The following SPIDR variants were observed in gnomAD, a reference collection of about 807,000 sequenced individuals.
The protein encoded by SPIDR is scaffold protein involved in DNA repair.
Under a neutral mutation model 104.6 loss-of-function variants are expected in SPIDR, and 93 were observed. The ratio of observed to expected loss-of-function variants is 0.89; its 90% CI spans 0.75 to 1.06. The LOEUF is 1.06. SPIDR is among the 50% of genes least tolerant of loss of function. The pLI, the probability that SPIDR is intolerant of heterozygous loss-of-function variation, is 0.00. For synonymous variants in SPIDR, 431 were observed against 416.9 expected (o/e 1.03, Z -0.41); for missense variants, 1,154 against 1,111.2 (o/e 1.04, Z -0.55).
intron 6 of SPIDR, among the ~76,000 whole-genome samples, chr8:47,405,098 G>C (rs943030587): frequency 6.6e-6 from 1 of 152,006 alleles, no homozygotes; most frequent in Non-Finnish European, 1.5e-5. Context: ...GGAAACTGTC[G>C]CAGGGAAGGA....
At chr8:47,375,386 C>T (rs1409829653) in intron 5 of SPIDR, among the ~76,000 whole-genome samples, 7 of 151,402 alleles carry the variant, frequency 4.6e-5, no homozygotes, top group African/African-American at 9.7e-5. Context: ...GAATTACAGG[C>T]GCACACCACC....
At chr8:47,506,200 G>T (rs1183014053) in intron 8 of SPIDR, among the ~76,000 whole-genome samples, 1 of 152,196 alleles carries the variant, frequency 6.6e-6, no homozygotes, top group African/African-American at 2.4e-5. Context: ...AGTAACACAG[G>T]GAGGAGGGCA....
chr8:47,367,997 T>A (rs1270705657), intron 5 of SPIDR, among the ~76,000 whole-genome samples: 1 of 152,082 alleles, frequency 6.6e-6, no homozygotes, highest in Non-Finnish European at 1.5e-5. Flanking sequence ...GTATAAACAA[T>A]GGAAATGCAT....
chr8:47,574,016 A>C (rs140225820), intron 8 of SPIDR, among the ~76,000 whole-genome samples: 51 of 152,368 alleles, frequency 3.3e-4, no homozygotes, highest in Non-Finnish European at 1.3e-4. Flanking sequence ...ATTGTCTTTT[A>C]ACCAGCCTTG....
chr8:47,642,029 G>C (rs1489063417), intron 10 of SPIDR, among the ~76,000 whole-genome samples: 1 of 152,186 alleles, frequency 6.6e-6, no homozygotes, highest in Non-Finnish European at 1.5e-5. Context: ...GCGCACGTGT[G>C]GGAGCAGCCC....
intron 5 of SPIDR, among the ~76,000 whole-genome samples, chr8:47,355,316 T>A (rs1554625064): frequency 2.4e-5 from 3 of 125,366 alleles, no homozygotes; most frequent in Non-Finnish European, 5.2e-5. Flanking sequence ...TCTGTTGGAA[T>A]GTGTGATTTT....
chr8:47,685,501 A>ATTTTTTTTTTTTT lies in SPIDR; in HGVS notation c.1685+11563_1685+11564insTTTTTTTTTTTTT, dbSNP rs1326028640. On this transcript the variant is annotated intron_variant, in intron 11 of 19. Coordinates refer to ENST00000297423, the MANE Select transcript of SPIDR (RefSeq NM_001080394.4). ...GTTTTATTTATTTATTTATTTATTTATTTATTTATTTATTTATTTTTTTGA... is the reference window on the plus strand; with the variant it reads ...GTTTTATTTATTTATTTATTTATTTATTTTTTTTTTTTTTTTATTTATTTATTTATTTTTTTGA... 8.2e-5 allele frequency among the ~76,000 whole-genome samples: 9 copies of ATTTTTTTTTTTTT among 110,278 alleles called. 1 individual carries two copies. The highest frequency in any genetic ancestry group is 1.8e-4 in the Non-Finnish European group (8 of 45,030). The allele number at this position is 110,278 out of a possible 152,430, so 72.3% of individuals were successfully genotyped here.
At chr8:47,294,138 A>G (rs2040421105) in intron 5 of SPIDR, 108 bp downstream of exon 5, 1 of 1,385,116 alleles carries the variant, frequency 7.2e-7, no homozygotes, top group Non-Finnish European at 9.7e-7. Context: ...GAGAACAACC[A>G]CTTTTGACTC....
intron 7 of SPIDR, among the ~76,000 whole-genome samples, chr8:47,422,399 C>T (rs2065671495): frequency 6.6e-6 from 1 of 152,200 alleles, no homozygotes; most frequent in African/African-American, 2.4e-5. Flanking sequence ...GGCGTAGGAC[C>T]CTCCGAGCCA....
At chr8:47,665,036 T>A (rs1219011237) in intron 10 of SPIDR, among the ~76,000 whole-genome samples, 3 of 152,196 alleles carry the variant, frequency 2.0e-5, no homozygotes, top group Admixed American at 6.5e-5. Context: ...GAGAGGATGA[T>A]GCCGAAAATA....
intron 5 of SPIDR, among the ~76,000 whole-genome samples, chr8:47,303,868 G>C (rs1397252190): frequency 6.6e-6 from 1 of 152,014 alleles, no homozygotes; most frequent in African/African-American, 2.4e-5. Context: ...GTAGAGACAG[G>C]GTTTCACCGT....
intron 8 of SPIDR, among the ~76,000 whole-genome samples, chr8:47,502,094 A>G (rs2080571020): frequency 6.6e-6 from 1 of 152,212 alleles, no homozygotes; most frequent in Non-Finnish European, 1.5e-5. Flanking sequence ...ATATTGGTCT[A>G]AAATTGTCTT....
At chr8:47,727,986 G>A (rs566622087) in intron 17 of SPIDR, among the ~76,000 whole-genome samples, 15 of 151,252 alleles carry the variant, frequency 9.9e-5, no homozygotes, top group South Asian at 2.1e-4. Flanking sequence ...GCATGGTGGC[G>A]CGTGCCTGTA....
At chr8:47,349,449 T>C (rs2052951971) in intron 5 of SPIDR, among the ~76,000 whole-genome samples, 1 of 152,236 alleles carries the variant, frequency 6.6e-6, no homozygotes, top group Non-Finnish European at 1.5e-5. Context: ...GGAGGCAGTG[T>C]GTCTGTTCTC....
At chr8:47,341,916 A>G (rs1307656195) in intron 5 of SPIDR, among the ~76,000 whole-genome samples, 1 of 151,774 alleles carries the variant, frequency 6.6e-6, no homozygotes, top group Non-Finnish European at 1.5e-5. Context: ...CCAAAACCAC[A>G]CAGGACGTGT....
At chr8:47,334,886 AG>A (rs2049409077) in intron 5 of SPIDR, among the ~76,000 whole-genome samples, 1 of 152,102 alleles carries the variant, frequency 6.6e-6, no homozygotes, top group South Asian at 2.1e-4. Context: ...TCATTTTCTT[AG>A]TATATCCCTT....
intron 10 of SPIDR, among the ~76,000 whole-genome samples, chr8:47,645,329 G>A (rs1275152040): frequency 1.3e-5 from 2 of 152,132 alleles, no homozygotes; most frequent in Non-Finnish European, 2.9e-5. Flanking sequence ...GATGTGGGAT[G>A]ATAGGAAGTG....
chr8:47,705,478 C>T (rs1232672225), intron 14 of SPIDR, among the ~76,000 whole-genome samples: 3 of 152,222 alleles, frequency 2.0e-5, no homozygotes, highest in African/African-American at 7.2e-5. Flanking sequence ...CAGAAACCAG[C>T]TGTCTCAAGA....
chr8:47,663,577 C>T (rs144763057), intron 10 of SPIDR, among the ~76,000 whole-genome samples: 3 of 152,344 alleles, frequency 2.0e-5, no homozygotes, highest in African/African-American at 2.4e-5. Flanking sequence ...GGCTCTGCAG[C>T]CCTTCATGCC....
Sources: gnomAD v4.1 joint callset for allele counts (sites outside exome capture counted in the v4.1 genomes callset) on GRCh38, gnomAD v4.1.1 for gene constraint, MANE v1.5 for transcripts, NCBI Gene and HGNC (gene_info 2026-07-23, HGNC 2026-07-21) for gene names.